PLXNA1: variants seen among roughly 807,000 people sequenced by gnomAD.
The protein encoded by PLXNA1 is plexin-A1.
PLXNA1 carries 77 observed loss-of-function variants against 191.7 expected under a neutral mutation model. The observed-to-expected ratio is 0.40, with a 90% CI of 0.33 to 0.49. The LOEUF (loss-of-function observed/expected upper bound fraction) is 0.49. Ranked by LOEUF, PLXNA1 falls within the 20% of genes least tolerant of loss-of-function variation. The pLI, the probability that PLXNA1 is intolerant of heterozygous loss-of-function variation, is 0.63. For missense variants in PLXNA1, 2,110 were observed against 2,660.2 expected (o/e 0.79, Z 4.55); for synonymous variants, 1,137 against 1,156.4 (o/e 0.98, Z 0.34).
Position 127,022,235 on chromosome 3 carries a change from C to T in PLXNA1, c.4189C>T (p.Leu1397=). ...GNVASLIMTA[L]QGEMEYATGV... is the part of the protein sequence containing the mutation. ...TGTGGCCTCGCTCATCATGACGGCC[C>T]TGCAGGGCGAGATGGAATACGCCAC... The change falls in exon 22 of 32, where the codon CTG becomes TTG. Residue 1397 remains leucine, a synonymous_variant. Coordinates refer to ENST00000393409, the MANE Select transcript of PLXNA1 (RefSeq NM_032242.4). The T allele has an allele frequency of 6.2e-7, 1 of 1,613,506 alleles. No individual in the cohort carries two copies. The highest frequency in any genetic ancestry group is 1.1e-5 in the South Asian group (1 of 91,082).
At chr3:126,990,529 G>T (rs2078985007) in intron 2 of PLXNA1, among the ~76,000 whole-genome samples, 1 of 152,236 alleles carries the variant, frequency 6.6e-6, no homozygotes, top group Admixed American at 6.5e-5. Flanking sequence ...AAGTGAAGGG[G>T]CTGGGACTCG....
At chr3:126,999,762 C>A (rs1472974450) in intron 3 of PLXNA1, among the ~76,000 whole-genome samples, 2 of 152,036 alleles carry the variant, frequency 1.3e-5, no homozygotes, top group Non-Finnish European at 2.9e-5. Context: ...GTCCTGGGGG[C>A]AAAGGGGTGA....
Position 127,032,797 on chromosome 3 carries a change from G to A in PLXNA1, c.5556G>A (p.Leu1852=). The A allele has an allele frequency of 6.3e-7, 1 of 1,591,544 alleles. No individual in the cohort carries two copies. The highest frequency in any genetic ancestry group is 2.4e-5 in the East Asian group (1 of 42,404). Residue 1852 remains leucine (L), a synonymous_variant, in exon 31 of 32, where the codon TTG becomes TTA. Transcript: ENST00000393409. ...GCCAGTTCAACAGCATGAGCGCCTT[G>A]CACGAGATCTACTCCTACATCACCA... is the stretch of plus-strand genomic sequence containing the variant. ...HLSQFNSMSA[L]HEIYSYITKY...
In PLXNA1 at chr3:127,017,735, C is replaced by G; in HGVS notation, c.3517-14C>G. 6.2e-7 allele frequency: 1 copy of G among 1,613,330 alleles called. No homozygotes were observed. Among genetic ancestry groups the G allele is most frequent in the Non-Finnish European group, 8.5e-7 (1 of 1,180,020 alleles). ...CCCTCGTCCTGGGCTCTGGCTCACCCCCATCTCCTACAGGGCCGGAACCTC... is the reference window on the plus strand; with the variant it reads ...CCCTCGTCCTGGGCTCTGGCTCACCGCCATCTCCTACAGGGCCGGAACCTC... On this transcript the variant is annotated splice_polypyrimidine_tract_variant and intron_variant, in intron 18 of 31. Coordinates refer to ENST00000393409, the MANE Select transcript of PLXNA1 (RefSeq NM_032242.4).
At position 127,030,287 on chromosome 3, in the gene PLXNA1, C is replaced by T; in HGVS notation, c.5106C>T (p.Phe1702=). ...KFVDDLFETI[F]STAHRGSALP... ...TGGACGACCTGTTTGAGACCATCTT[C>T]AGCACGGCACACCGGGGCTCAGCCC... The change falls in exon 29 of 32, where the codon TTC becomes TTT. Residue 1702 remains phenylalanine, a synonymous_variant. Transcript: ENST00000393409. 6.2e-7 allele frequency: 1 copy of T among 1,613,888 alleles called. No homozygotes were observed. The highest frequency in any genetic ancestry group is 8.5e-7 in the Non-Finnish European group (1 of 1,180,016).
At chr3:127,025,670 G>A (rs2079173512) in intron 23 of PLXNA1, among the ~76,000 whole-genome samples, 1 of 152,178 alleles carries the variant, frequency 6.6e-6, no homozygotes, top group South Asian at 2.1e-4. Flanking sequence ...ACAGCTCTAG[G>A]GACCTCATAT....
Position 127,022,818 on chromosome 3 carries a change from G to A in PLXNA1, c.4362G>A (p.Lys1454=). 6.2e-7 allele frequency: 1 copy of A among 1,613,520 alleles called. No individual in the cohort carries two copies. The highest frequency in any genetic ancestry group is 8.5e-7 in the Non-Finnish European group (1 of 1,179,530). ...CCTTCCTCTTGTATAAGTTCCTCAA[G>A]GTAAGCAGAGGCGGGAGGAAGCAGG... The part of the protein sequence containing the change: ...WFTFLLYKFL[K]ECAGEPLFML... The change falls in exon 23 of 32, where the codon AAG becomes AAA. Residue 1454 remains lysine, a splice_region_variant and synonymous_variant. Transcript: ENST00000393409.
chr3:126,986,126 G>T (rs904484218), intron 1 of PLXNA1, among the ~76,000 whole-genome samples: 1 of 152,266 alleles, frequency 6.6e-6, no homozygotes, highest in East Asian at 1.9e-4. Flanking sequence ...TATCCCAGAG[G>T]AGGGGAGAGC....
At chr3:126,986,512 T>C (rs1576666129) in intron 1 of PLXNA1, among the ~76,000 whole-genome samples, 1 of 151,842 alleles carries the variant, frequency 6.6e-6, no homozygotes, top group Non-Finnish European at 1.5e-5. Context: ...TGAAGAAGCA[T>C]GGGGGGCTGC....
Position 127,006,160 on chromosome 3 carries a change from A to G in PLXNA1, c.1979A>G (p.Asn660Ser). ...GCGTCTGTGGACTTCGTCTTCTACA[A>G]CTGCAGCGTCCACCAGTCGTGAGTG... ...KFASVDFVFY[N>S]CSVHQSCLSC... The change falls in exon 8 of 32, where the codon AAC (asparagine) becomes AGC (serine). Residue 660 changes from asparagine (N) to serine (S), a missense_variant. By Grantham distance (46) the Asn-to-Ser change is conservative. Transcript: ENST00000393409. 6.2e-7 allele frequency: 1 copy of G among 1,613,562 alleles called. No individual in the cohort carries two copies. Among genetic ancestry groups the G allele is most frequent in the Non-Finnish European group, 8.5e-7 (1 of 1,179,864 alleles).
At position 127,017,951 on chromosome 3, in the gene PLXNA1, G is replaced by A. The variant is rs986911775; in HGVS notation, c.3660+59G>A. 1.3e-5 allele frequency: 20 copies of A among 1,593,226 alleles called. No homozygotes were observed. In the Admixed American group the frequency reaches 3.2e-4, roughly 25 times the overall value. ...GAGCCATGCCCCACCTGTGGACCCT[G>A]CCCCACTAGCACAGCCCCAGCTCTG... On this transcript the variant is annotated intron_variant, in intron 19 of 31. Coordinates refer to ENST00000393409, the MANE Select transcript of PLXNA1 (RefSeq NM_032242.4).
At chr3:127,000,328 G>C (rs967895854) in intron 3 of PLXNA1, among the ~76,000 whole-genome samples, 12 of 152,290 alleles carry the variant, frequency 7.9e-5, no homozygotes, top group Admixed American at 5.2e-4. Context: ...CCCAGCTGCT[G>C]TGGGAGGGGC....
In PLXNA1 at chr3:127,014,105, A is replaced by G; in HGVS notation, c.2399A>G (p.Gln800Arg). 1 of 1,613,808 alleles carries G rather than the reference A, an allele frequency of 6.2e-7. No individual in the cohort carries two copies. The highest frequency in any genetic ancestry group is 8.5e-7 in the Non-Finnish European group (1 of 1,179,916). ...GGCAACTTTGTCATTGACAACCCAC[A>G]GAACATCCAGGGTGAGTGGGCGCCC... ...WNGNFVIDNPQNIQAHLYKCP... is the reference protein window; with the variant it reads ...WNGNFVIDNPRNIQAHLYKCP... Residue 800 changes from glutamine to arginine, a missense_variant, in exon 11 of 32, where the codon CAG (glutamine) becomes CGG (arginine). Coordinates refer to ENST00000393409, the MANE Select transcript of PLXNA1 (RefSeq NM_032242.4).
intron 23 of PLXNA1, among the ~76,000 whole-genome samples, chr3:127,025,966 A>C (rs2079174738): frequency 6.6e-6 from 1 of 152,242 alleles, no homozygotes; most frequent in African/African-American, 2.4e-5. Context: ...CCATTTTAGC[A>C]CATGTAAACA....
At chr3:127,033,129 T>G (rs1408070550) in intron 31 of PLXNA1, among the ~76,000 whole-genome samples, 1 of 152,182 alleles carries the variant, frequency 6.6e-6, no homozygotes, top group Non-Finnish European at 1.5e-5. Flanking sequence ...GGTGAGCAAC[T>G]TCCCTGAGGG....
intron 10 of PLXNA1, 75 bp downstream of exon 10, chr3:127,012,233 C>G (rs1248449284): frequency 1.4e-6 from 2 of 1,470,874 alleles, no homozygotes; most frequent in African/African-American, 2.8e-5. Flanking sequence ...TGGGTCCTGG[C>G]GTGTGCTTGT....
At chr3:126,991,884 C>G (rs1378151422) in intron 3 of PLXNA1, among the ~76,000 whole-genome samples, 5 of 152,052 alleles carry the variant, frequency 3.3e-5, no homozygotes, top group Admixed American at 3.3e-4. Flanking sequence ...GGGGAGGCTG[C>G]TGTGTGTGGG....
rs774120662 is a variant in PLXNA1, at chr3:127,016,527, C to G, written c.3025C>G (p.Arg1009Gly). The part of the protein sequence containing the change: ...RPCSFSWRNS[R>G]EIRCLTPPGQ... Reference sequence around the variant, plus strand: ...CTCGGGCACCTCCAGGAGGAACTCCCGTGAGATCCGGTGCCTGACACCCCC... The same window carrying G: ...CTCGGGCACCTCCAGGAGGAACTCCGGTGAGATCCGGTGCCTGACACCCCC... The change falls in exon 16 of 32, where the codon CGT becomes GGT. Residue 1009 changes from arginine to glycine, a missense_variant. Arg to Gly is a moderately radical substitution (Grantham distance 125, BLOSUM62 -2). This residue lies in a region of PLXNA1 where 644 missense variants were observed against 714.3 expected (regional missense o/e 0.90). Coordinates refer to ENST00000393409, the MANE Select transcript of PLXNA1 (RefSeq NM_032242.4). The G allele has an allele frequency of 2.5e-6, 4 of 1,613,664 alleles. No individual in the cohort carries two copies. Among genetic ancestry groups the G allele is most frequent in the South Asian group, 2.2e-5 (2 of 91,078 alleles).
In PLXNA1 at chr3:127,029,136, C is replaced by A. The variant is rs749269580; in HGVS notation, c.4773+40C>A. The A allele has an allele frequency of 1.1e-5, 17 of 1,497,940 alleles. No individual in the cohort carries two copies. In the African/African-American group the frequency reaches 2.2e-4, roughly 19 times the overall value. 92.8% of individuals were successfully genotyped at this position (1,497,940 alleles called of 1,614,324 possible). ...TCCGACCCTAGCACAGGCCTCCCTC[C>A]CCTTGGGGCTTCCACAGCGCAGCCA... is the stretch of plus-strand genomic sequence containing the variant. On this transcript the variant is annotated intron_variant, in intron 26 of 31. Transcript: ENST00000393409.
Sources: allele counts gnomAD v4.1 joint callset (sites outside exome capture counted in the v4.1 genomes callset), GRCh38; gene constraint gnomAD v4.1.1; regional missense constraint gnomAD v4.1.1; transcripts MANE v1.5; gene names NCBI Gene and HGNC (gene_info 2026-07-23, HGNC 2026-07-21).